SHISAL1: variants seen among roughly 807,000 people sequenced by gnomAD.
The protein encoded by SHISAL1 is shisa like 1.
Under a neutral mutation model 22.6 loss-of-function variants are expected in SHISAL1, and 9 were observed. The observed-to-expected ratio is 0.40, with a 90% CI of 0.24 to 0.70. The LOEUF (loss-of-function observed/expected upper bound fraction) is 0.70. SHISAL1 is among the 30% of genes least tolerant of loss of function. The pLI is 0.39. For missense variants in SHISAL1, 246 were observed against 270.6 expected, an observed-to-expected ratio of 0.91 and a Z score of 0.64; for synonymous variants, 119 against 115.4, an observed-to-expected ratio of 1.03 and a Z score of -0.20.
chr22:44,256,188 G>A (rs1367813031), intron 4 of SHISAL1, among the ~76,000 whole-genome samples: 1 of 151,888 alleles, frequency 6.6e-6, no homozygotes, highest in East Asian at 1.9e-4. Flanking sequence ...TGGGTCTCAG[G>A]ACTGGAACTC....
At chr22:44,283,396 T>C (rs2055289958) in intron 4 of SHISAL1, among the ~76,000 whole-genome samples, 1 of 152,228 alleles carries the variant, frequency 6.6e-6, no homozygotes, top group African/African-American at 2.4e-5. Flanking sequence ...TGCATCCTGA[T>C]GGCATAGCAC....
chr22:44,331,497 C>G, the SHISAL1 span, among the ~76,000 whole-genome samples: 9 of 150,890 alleles, frequency 6.0e-5, no homozygotes, highest in African/African-American at 1.9e-4. The surrounding 1 kb of genome is among the most constrained non-coding windows in gnomAD (Gnocchi z 5.2). Flanking sequence ...CAGCTCACCT[C>G]GTGCCCGCCG....
At chr22:44,294,094 C>T (rs1232426724) in intron 3 of SHISAL1, among the ~76,000 whole-genome samples, 6 of 152,242 alleles carry the variant, frequency 3.9e-5, no homozygotes, top group African/African-American at 1.4e-4. Context: ...ATGACAGGGT[C>T]CTCACCCAAG....
At chr22:44,272,360 G>T (rs1216505916) in intron 4 of SHISAL1, among the ~76,000 whole-genome samples, 1 of 152,196 alleles carries the variant, frequency 6.6e-6, no homozygotes, top group African/African-American at 2.4e-5. Flanking sequence ...CCAGGGCAGG[G>T]TCAGAATGGA....
At chr22:44,302,547 A>AG (rs1212659990) in intron 1 of SHISAL1, among the ~76,000 whole-genome samples, 1 of 152,228 alleles carries the variant, frequency 6.6e-6, no homozygotes, top group African/African-American at 2.4e-5. Flanking sequence ...ACATTTGAGC[A>AG]GACCTTTGAG....
At position 44,246,004 on chromosome 22, in the gene SHISAL1, G is replaced by A. The variant is rs1270714495; in HGVS notation, c.*3681C>T. 1 of 152,250 alleles carries A rather than the reference G, an allele frequency of 6.6e-6. No homozygotes were observed. The highest frequency in any genetic ancestry group is 1.5e-5 in the Non-Finnish European group (1 of 68,068). 9.4% of individuals were successfully genotyped at this position (152,250 alleles called of 1,614,324 possible). ...TGTGTGTGCGCGCATGTGCATGTAT[G>A]TACTTGTGTGTTTTTTCAATTAAGG... is the stretch of plus-strand genomic sequence containing the variant. On this transcript the variant is annotated 3_prime_UTR_variant, in exon 5 of 5. Coordinates refer to ENST00000381176, the MANE Select transcript of SHISAL1 (RefSeq NM_001099294.2).
chr22:44,255,913 G>T (rs2055081108), intron 4 of SHISAL1, among the ~76,000 whole-genome samples: 1 of 152,212 alleles, frequency 6.6e-6, no homozygotes, highest in South Asian at 2.1e-4. Context: ...GGTGTGTCAT[G>T]AAGGTGTTTC....
intron 3 of SHISAL1, among the ~76,000 whole-genome samples, chr22:44,287,384 C>G (rs1006930736): frequency 6.6e-6 from 1 of 152,214 alleles, no homozygotes; most frequent in Non-Finnish European, 1.5e-5. Context: ...CTCACTTGGC[C>G]AAGTTCTTGG....
rs900015130 is a variant in SHISAL1, at chr22:44,245,301, G to A, written c.*4384C>T. 6.6e-6 allele frequency: 1 copy of A among 152,342 alleles called. No individual in the cohort carries two copies. The highest frequency in any genetic ancestry group is 1.5e-5 in the Non-Finnish European group (1 of 68,168). 9.4% of individuals were successfully genotyped at this position (152,342 alleles called of 1,614,324 possible). The stretch of plus-strand genomic sequence containing the variant: ...GTTCCCAATAACTCCATCCAGGTCT[G>A]TTCTTCCTTCCTTCCTTCTTACCTA... On this transcript the variant is annotated 3_prime_UTR_variant, in exon 5 of 5. Coordinates refer to ENST00000381176, the MANE Select transcript of SHISAL1 (RefSeq NM_001099294.2).
intron 4 of SHISAL1, among the ~76,000 whole-genome samples, chr22:44,273,011 G>A (rs1316397538): frequency 6.6e-6 from 1 of 151,806 alleles, no homozygotes; most frequent in Non-Finnish European, 1.5e-5. Flanking sequence ...CAGGAGAATC[G>A]CTTGAACCCC....
the SHISAL1 span, among the ~76,000 whole-genome samples, chr22:44,330,664 T>C: frequency 8.7e-6 from 1 of 115,034 alleles, no homozygotes; most frequent in Admixed American, 1.0e-4. Flanking sequence ...TTTCCCCCTG[T>C]TTTTTTTTCC....
At chr22:44,296,452 G>A (rs1200918921) in intron 3 of SHISAL1, among the ~76,000 whole-genome samples, 4 of 152,296 alleles carry the variant, frequency 2.6e-5, no homozygotes, top group Admixed American at 6.5e-5. Context: ...GAGCTACCGC[G>A]CCTGGCCTCT....
rs2147262338 is a variant in SHISAL1, at chr22:44,246,192, G to A, written c.*3493C>T. 6.6e-6 allele frequency: 1 copy of A among 152,026 alleles called. No individual in the cohort carries two copies. The allele number at this position is 152,026 out of a possible 1,614,324, so 9.4% of individuals were successfully genotyped here. On this transcript the variant is annotated 3_prime_UTR_variant, in exon 5 of 5. Transcript: ENST00000381176. ...CATTACCAGCTATTGGTTCTGAATAGAGATTCTGAAACACACAACAATCAC... is the reference window on the plus strand; with the variant it reads ...CATTACCAGCTATTGGTTCTGAATAAAGATTCTGAAACACACAACAATCAC...
chr22:44,326,874 C>T, the SHISAL1 span, among the ~76,000 whole-genome samples: 7 of 152,100 alleles, frequency 4.6e-5, no homozygotes, highest in East Asian at 7.7e-4. Context: ...AGGAGTGCCT[C>T]GGTGGGCTTC....
rs376964322 is a variant in SHISAL1 at position 44,295,548 on chromosome 22, T to C, written c.281+1124A>G. Reference sequence around the variant, plus strand: ...AAAAAAATGATAAAATGTGATTACATAACAAAAATTAAGCATGAGGAAAAA... The same window carrying C: ...AAAAAAATGATAAAATGTGATTACACAACAAAAATTAAGCATGAGGAAAAA... On this transcript the variant is annotated intron_variant, in intron 3 of 4. Transcript: ENST00000381176. Among the ~76,000 whole-genome samples the C allele has an allele frequency of 2.6e-5, 4 of 151,694 alleles. 1 individual carries two copies. The highest frequency in any genetic ancestry group is 9.7e-5 in the African/African-American group (4 of 41,310).
In SHISAL1 at chr22:44,306,359, A is replaced by ACGATG. The variant is rs776218005; in HGVS notation, c.-32-5387_-32-5383dup. On this transcript the variant is annotated intron_variant, in intron 1 of 4. Coordinates refer to ENST00000381176, the MANE Select transcript of SHISAL1 (RefSeq NM_001099294.2). ...TACCTGGGCTCGGGGAGCTGTGATG[A>ACGATG]CGATGGCGTGTGCGGAGGGGAACTG... 4.9e-4 allele frequency among the ~76,000 whole-genome samples: 71 copies of ACGATG among 145,918 alleles called. 4 individuals are homozygous for ACGATG. Among genetic ancestry groups the ACGATG allele is most frequent in the Middle Eastern group, 3.6e-3 (1 of 274 alleles).
At chr22:44,302,606 G>A (rs528139823) in intron 1 of SHISAL1, among the ~76,000 whole-genome samples, 10 of 152,154 alleles carry the variant, frequency 6.6e-5, no homozygotes, top group Non-Finnish European at 1.5e-4. Context: ...TGCTGCACAC[G>A]GAGGGATAGC....
chr22:44,247,198 G>A lies in SHISAL1; in HGVS notation c.*2487C>T, dbSNP rs2055008616. 6.6e-6 allele frequency: 1 copy of A among 152,216 alleles called. No individual in the cohort carries two copies. The highest frequency in any genetic ancestry group is 1.5e-5 in the Non-Finnish European group (1 of 68,098). 9.4% of individuals were successfully genotyped at this position (152,216 alleles called of 1,614,324 possible). A position where few individuals can be genotyped will look rare whatever the true frequency, so the allele number is the denominator to read the frequency against. ...CTACAGAGCATTGTCCAGGACAGCA[G>A]GACACGAGGGTTGCAAACTCCTTAA... On this transcript the variant is annotated 3_prime_UTR_variant, in exon 5 of 5. Coordinates refer to ENST00000381176, the MANE Select transcript of SHISAL1 (RefSeq NM_001099294.2).
chr22:44,282,968 T>C (rs1011518809), intron 4 of SHISAL1, among the ~76,000 whole-genome samples: 4 of 152,166 alleles, frequency 2.6e-5, no homozygotes, highest in African/African-American at 9.7e-5. Flanking sequence ...ATGCTGGAGA[T>C]GTCCTGGGTC....
Sources: gnomAD v4.1 joint callset for allele counts (sites outside exome capture counted in the v4.1 genomes callset) on GRCh38, gnomAD v4.1.1 for gene constraint, Gnocchi (gnomAD v3.1) non-coding constraint, MANE v1.5 for transcripts, NCBI Gene and HGNC (gene_info 2026-07-23, HGNC 2026-07-21) for gene names.